Variants in FCRL5 observed in about 807,000 individuals in gnomAD.
FCRL5 encodes Fc receptor like 5.
FCRL5 carries 79 observed loss-of-function variants against 92.1 expected under a neutral mutation model. The ratio of observed to expected loss-of-function variants is 0.86; its 90% CI spans 0.72 to 1.03. FCRL5 has a LOEUF of 1.03. FCRL5 is among the 50% of genes least tolerant of loss of function. The pLI is 0.00. For synonymous variants in FCRL5, 466 were observed against 469.3 expected (o/e 0.99, Z 0.09); for missense variants, 1,160 against 1,181.1 (o/e 0.98, Z 0.26).
chr1:157,543,314 T>G (rs1393077638), intron 5 of FCRL5, among the ~76,000 whole-genome samples, 177 bp from the exon 6 acceptor site: 1 of 152,258 alleles, frequency 6.6e-6, no homozygotes, highest in African/African-American at 2.4e-5. Flanking sequence ...GACTATGGAA[T>G]GTTGCACCTG....
intron 2 of FCRL5, 44 bp downstream of exon 2, chr1:157,549,516 C>G: frequency 6.3e-7 from 1 of 1,587,680 alleles, no homozygotes; most frequent in Non-Finnish European, 8.6e-7. Flanking sequence ...GGAAGAGACA[C>G]TCTTAACCAG....
Position 157,552,208 on chromosome 1 carries a change from C to T in FCRL5, c.31+124G>A. 12 of 926,436 alleles carry T rather than the reference C, an allele frequency of 1.3e-5. No homozygotes were observed. The South Asian group carries it at 1.8e-4, about 14-fold the overall frequency. The allele number at this position is 926,436 out of a possible 1,614,324, so 57.4% of individuals were successfully genotyped here. A position where few individuals can be genotyped will look rare whatever the true frequency, so the allele number is the denominator to read the frequency against. ...AGCTACAGAGTAAAGTTCAAAAATA[C>T]AGTCTCCTAATGTAGGAGAGAGTCT... On this transcript the variant is annotated intron_variant, in intron 1 of 16. Transcript: ENST00000361835.
In FCRL5 at chr1:157,521,068, C is replaced by T. The variant is rs1186981832; in HGVS notation, c.2464G>A (p.Asp822Asn). 4.3e-6 allele frequency: 7 copies of T among 1,613,760 alleles called. No individual in the cohort carries two copies. The highest frequency in any genetic ancestry group is 5.1e-6 in the Non-Finnish European group (6 of 1,179,898). ...EHSGNYSCEA[D>N]NGLGAQRSET... Reference sequence around the variant, plus strand: ...CTGCGCTGGGCCCCGAGGCCATTGTCGGCCTCACAGGAGTAGTTTCCAGAG... The same window carrying T: ...CTGCGCTGGGCCCCGAGGCCATTGTTGGCCTCACAGGAGTAGTTTCCAGAG... Residue 822 changes from aspartate (D) to asparagine (N), a missense_variant, in exon 11 of 17, where the codon GAC becomes AAC. Physicochemically the swap from Asp to Asn is conservative, Grantham distance 23. Transcript: ENST00000361835.
intron 8 of FCRL5, chr1:157,533,350 T>C (rs1041706378): frequency 6.6e-6 from 1 of 152,246 alleles, no homozygotes; most frequent in African/African-American, 2.4e-5. Flanking sequence ...TTCTGTATCT[T>C]TCTACTTTGC....
intron 7 of FCRL5, among the ~76,000 whole-genome samples, chr1:157,538,556 G>A (rs1434004002): frequency 6.6e-6 from 1 of 152,252 alleles, no homozygotes; most frequent in Admixed American, 6.5e-5. Context: ...GCCCACTGCT[G>A]TCTGTGCCTT....
At position 157,544,719 on chromosome 1, in the gene FCRL5, T is replaced by G. The variant is rs913953606; in HGVS notation, c.559+112A>C. ...ACTTCCTCTGCTCCTTGCAGGAATG[T>G]GTCCTGTGGTTTAGTGGTATTCCAG... On this transcript the variant is annotated intron_variant, in intron 4 of 16. Transcript: ENST00000361835. The G allele has an allele frequency of 5.5e-6, 8 of 1,465,854 alleles. No individual in the cohort carries two copies. The African/African-American group carries it at 8.5e-5, about 16-fold the overall frequency. 90.8% of individuals were successfully genotyped at this position (1,465,854 alleles called of 1,614,324 possible). A position where few individuals can be genotyped will look rare whatever the true frequency, so the allele number is the denominator to read the frequency against.
intron 8 of FCRL5, 30 bp from the exon 9 acceptor site, chr1:157,527,925 G>A (rs773090953): frequency 2.0e-6 from 3 of 1,513,592 alleles, no homozygotes; most frequent in East Asian, 2.3e-5. Flanking sequence ...AGGGACACAT[G>A]TATTTTTAAA....
intron 7 of FCRL5, among the ~76,000 whole-genome samples, chr1:157,538,201 C>G (rs1291217608): frequency 6.6e-6 from 1 of 152,190 alleles, no homozygotes; most frequent in East Asian, 1.9e-4. Context: ...GATGACTCCC[C>G]CTGGGTTCCC....
At position 157,514,087 on chromosome 1, in the gene FCRL5, A is replaced by T. The variant is rs1649822742; in HGVS notation, c.*1588T>A. 6.6e-6 allele frequency: 1 copy of T among 152,206 alleles called. No individual in the cohort carries two copies. The allele number at this position is 152,206 out of a possible 1,614,324, so 9.4% of individuals were successfully genotyped here. On this transcript the variant is annotated 3_prime_UTR_variant, in exon 17 of 17. Coordinates refer to ENST00000361835, the MANE Select transcript of FCRL5 (RefSeq NM_031281.3). ...TGGGGCAGCAGAGCCAGCCCTGTCT[A>T]TCTGGGCAAGGCCCTGACACTTGGA...
rs897564794 is a variant in FCRL5 at position 157,514,848 on chromosome 1, C to T, written c.*827G>A. On this transcript the variant is annotated 3_prime_UTR_variant, in exon 17 of 17. Transcript: ENST00000361835. Reference sequence around the variant, plus strand: ...CTAGGGAGTGCACTGGATTTTATGCCAGTTTGATTACCCACAGTTTTCTTC... The same window carrying T: ...CTAGGGAGTGCACTGGATTTTATGCTAGTTTGATTACCCACAGTTTTCTTC... 1 of 152,180 alleles carries T rather than the reference C, an allele frequency of 6.6e-6. No individual in the cohort carries two copies. Among genetic ancestry groups the T allele is most frequent in the East Asian group, 1.9e-4 (1 of 5,190 alleles). 9.4% of individuals were successfully genotyped at this position (152,180 alleles called of 1,614,324 possible).
intron 8 of FCRL5, among the ~76,000 whole-genome samples, chr1:157,529,402 A>T (rs1226471755): frequency 6.6e-6 from 1 of 152,206 alleles, no homozygotes; most frequent in African/African-American, 2.4e-5. Context: ...TCCTTAAAGA[A>T]CTAAAAGTAG....
chr1:157,534,592 C>G (rs749155136), intron 8 of FCRL5, 22 bp downstream of exon 8: 1 of 1,613,990 alleles, frequency 6.2e-7, no homozygotes, highest in Non-Finnish European at 8.5e-7. Context: ...GGGTGGGTGA[C>G]TGGCAAGAAC....
intron 6 of FCRL5, among the ~76,000 whole-genome samples, chr1:157,539,905 A>G (rs1444267477): frequency 6.6e-6 from 1 of 152,236 alleles, no homozygotes; most frequent in East Asian, 1.9e-4. Context: ...CATACTTTTA[A>G]AAAAATTTCT....
chr1:157,537,477 T>C (rs1651019902), intron 7 of FCRL5, among the ~76,000 whole-genome samples: 1 of 152,202 alleles, frequency 6.6e-6, no homozygotes, highest in South Asian at 2.1e-4. Context: ...TCAATGACAA[T>C]GCGTGCCCGA....
At position 157,552,373 on chromosome 1, in the gene FCRL5, A is replaced by G. The variant is rs1183963055; in HGVS notation, c.-11T>C. The G allele has an allele frequency of 6.2e-7, 1 of 1,614,092 alleles. No homozygotes were observed. Among genetic ancestry groups the G allele is most frequent in the Non-Finnish European group, 8.5e-7 (1 of 1,179,950 alleles). Reference sequence around the variant, plus strand: ...CACCCACAGCAGCATGAAGACCTGGACCACCAAGGGCTGAGATCAAAAGAG... The same window carrying G: ...CACCCACAGCAGCATGAAGACCTGGGCCACCAAGGGCTGAGATCAAAAGAG... On this transcript the variant is annotated 5_prime_UTR_variant, in exon 1 of 17. Transcript: ENST00000361835.
rs780950387 is a variant in FCRL5 at position 157,544,598 on chromosome 1, G to A, written c.560-52C>T. The A allele has an allele frequency of 4.0e-5, 64 of 1,581,048 alleles. No homozygotes were observed. The South Asian group carries it at 7.0e-4, about 17-fold the overall frequency. On this transcript the variant is annotated intron_variant, in intron 4 of 16. Transcript: ENST00000361835. ...AGAGCAATGAGGCTGGAACTGCTTT[G>A]GAGAAAAGCACACTTCAAGCAGCAG...
At chr1:157,521,399 TA>T (rs1650190104) in intron 10 of FCRL5, 107 bp from the exon 11 acceptor site, 2 of 1,327,530 alleles carry the variant, frequency 1.5e-6, no homozygotes. Flanking sequence ...TCTTGGAAAG[TA>T]GATTAAAACA....
chr1:157,544,240 C>G, intron 5 of FCRL5, 22 bp downstream of exon 5: 1 of 1,610,028 alleles, frequency 6.2e-7, no homozygotes, highest in Non-Finnish European at 8.5e-7. Flanking sequence ...TGCAGCAAAT[C>G]TCAGGTTCCA....
rs139573747 is a variant in FCRL5, at chr1:157,527,833, G to T, written c.1744C>A (p.Leu582Met). The T allele has an allele frequency of 3.7e-6, 6 of 1,612,170 alleles. No individual in the cohort carries two copies. The African/African-American group carries it at 5.3e-5, about 14-fold the overall frequency. Residue 582 changes from leucine to methionine, a missense_variant, in exon 9 of 17, where the codon CTG (leucine) becomes ATG (methionine). Transcript: ENST00000361835. ...VPRAQAVVGD[L>M]LELHCEAPRG... ...GGGGCCTCACAGTGAAGCTCCAGCA[G>T]GTCCCCCACCACAGCCTGGGCCCTG...
Sources: gnomAD v4.1 joint callset for allele counts (sites outside exome capture counted in the v4.1 genomes callset) on GRCh38, gnomAD v4.1.1 for gene constraint, MANE v1.5 for transcripts, NCBI Gene and HGNC (gene_info 2026-07-23, HGNC 2026-07-21) for gene names.